Variants in EPHA6 observed in about 807,000 individuals in gnomAD.
The protein encoded by EPHA6 is ephrin type-A receptor 6.
Under a neutral mutation model 112.0 loss-of-function variants are expected in EPHA6, and 50 were observed. The observed-to-expected ratio is 0.45, with a 90% confidence interval of 0.36 to 0.56. The LOEUF (loss-of-function observed/expected upper bound fraction) is 0.56, where lower values mean the gene tolerates loss of function less well. EPHA6 is among the 20% of genes least tolerant of loss of function. EPHA6 has a pLI of 0.00. For synonymous variants in EPHA6, 529 were observed against 490.7 expected (o/e 1.08, Z -1.03); for missense variants, 1,280 against 1,417.4 (o/e 0.90, Z 1.56).
rs775463077 is a variant in EPHA6 at position 97,637,914 on chromosome 3, G to A, written c.2616G>A (p.Met872Ile). 6.2e-7 allele frequency: 1 copy of A among 1,613,952 alleles called. No homozygotes were observed. Among genetic ancestry groups the A allele is most frequent in the South Asian group, 1.1e-5 (1 of 91,080 alleles). ...TCACAGTCATCCAGTTGGTCGGAAT[G>A]CTCCGAGGCATTGCATCAGGCATGA... Reference protein sequence around the residue: ...GHFTVIQLVGMLRGIASGMKY... With the variant: ...GHFTVIQLVGILRGIASGMKY... The change falls in exon 14 of 18, where the codon ATG becomes ATA. Residue 872 changes from methionine to isoleucine, a missense_variant. By Grantham distance (10) the Met-to-Ile change is conservative. Coordinates refer to ENST00000389672, the MANE Select transcript of EPHA6 (RefSeq NM_001080448.3).
chr3:97,184,285 G>T lies in EPHA6; in HGVS notation c.1115-41979G>T, dbSNP rs560664950. ...AACTTTCCAATCAACAGTTTTCATG[G>T]TTCATGGTTTCATCTTCTAAGGGAT... is the stretch of plus-strand genomic sequence containing the variant. On this transcript the variant is annotated intron_variant, in intron 3 of 17. Coordinates refer to ENST00000389672, the MANE Select transcript of EPHA6 (RefSeq NM_001080448.3). Among the ~76,000 whole-genome samples the T allele has an allele frequency of 3.9e-5, 6 of 152,174 alleles. No individual in the cohort carries two copies. In the South Asian group the frequency reaches 1.2e-3, roughly 32 times the overall value.
At chr3:97,357,271 A>G (rs2084129874) in intron 5 of EPHA6, among the ~76,000 whole-genome samples, 1 of 152,000 alleles carries the variant, frequency 6.6e-6, no homozygotes, top group African/African-American at 2.4e-5. Flanking sequence ...CAGTGATGTG[A>G]TCTCGGCTCA....
chr3:97,600,619 C>CT (rs1461882593), intron 12 of EPHA6, among the ~76,000 whole-genome samples: 4 of 152,068 alleles, frequency 2.6e-5, no homozygotes, highest in African/African-American at 9.7e-5. Flanking sequence ...GCTCTACTCT[C>CT]TTCCCCAAGA....
At chr3:97,052,799 G>T (rs367766749) in intron 3 of EPHA6, among the ~76,000 whole-genome samples, 56 of 152,118 alleles carry the variant, frequency 3.7e-4, no homozygotes, top group African/African-American at 1.3e-3. Context: ...TAAACTCAGG[G>T]GACCAGCTAG....
At chr3:97,602,093 T>C (rs911228639) in intron 12 of EPHA6, among the ~76,000 whole-genome samples, 1 of 152,082 alleles carries the variant, frequency 6.6e-6, no homozygotes, top group Non-Finnish European at 1.5e-5. Context: ...CAAAAGCATA[T>C]AACATTGCTG....
chr3:97,652,092 TG>T (rs2094111212), intron 14 of EPHA6, among the ~76,000 whole-genome samples: 1 of 152,058 alleles, frequency 6.6e-6, no homozygotes, highest in South Asian at 2.1e-4. Flanking sequence ...ATAACATACC[TG>T]CTGACATTAA....
intron 2 of EPHA6, among the ~76,000 whole-genome samples, chr3:96,911,278 ATTCTAT>A (rs1466193504): frequency 2.5e-4 from 38 of 152,120 alleles, no homozygotes; most frequent in Admixed American, 1.8e-3. Flanking sequence ...CAGAAAGTTG[ATTCTAT>A]TTCTATTCAT....
At chr3:97,400,623 TA>T (rs2086938685) in intron 5 of EPHA6, among the ~76,000 whole-genome samples, 1 of 151,686 alleles carries the variant, frequency 6.6e-6, no homozygotes. Flanking sequence ...TAGTTTTTAT[TA>T]TAGAGATTTT....
At chr3:97,314,963 C>T (rs2081746834) in intron 5 of EPHA6, among the ~76,000 whole-genome samples, 1 of 151,566 alleles carries the variant, frequency 6.6e-6, no homozygotes, top group Non-Finnish European at 1.5e-5. Context: ...AGATACAAAG[C>T]ATTCTACAAC....
intron 10 of EPHA6, among the ~76,000 whole-genome samples, chr3:97,503,531 T>C (rs2092176951): frequency 6.6e-6 from 1 of 152,184 alleles, no homozygotes; most frequent in South Asian, 2.1e-4. Context: ...TTGAAGTCAC[T>C]TTGGAAAATA....
Position 97,353,788 on chromosome 3 carries a change from A to G in EPHA6, c.1607-51362A>G, listed in dbSNP as rs527774028. 3.3e-5 allele frequency among the ~76,000 whole-genome samples: 5 copies of G among 152,290 alleles called. No homozygotes were observed. The South Asian group carries it at 1.0e-3, about 32-fold the overall frequency. The stretch of plus-strand genomic sequence containing the variant: ...TGGACCTTGAGTGAGCATTAGTGTC[A>G]GCCAGGCAATGGCACCTGCAGACCT... On this transcript the variant is annotated intron_variant, in intron 5 of 17. Coordinates refer to ENST00000389672, the MANE Select transcript of EPHA6 (RefSeq NM_001080448.3).
chr3:96,999,509 C>T (rs1272913939), intron 3 of EPHA6, among the ~76,000 whole-genome samples: 1 of 145,902 alleles, frequency 6.9e-6, no homozygotes, highest in Non-Finnish European at 1.6e-5. Context: ...CATCTCCTAT[C>T]ACATACCAAC....
chr3:97,253,055 A>G (rs1016898505), intron 5 of EPHA6, among the ~76,000 whole-genome samples: 2 of 152,200 alleles, frequency 1.3e-5, no homozygotes, highest in African/African-American at 4.8e-5. Flanking sequence ...GGAGCAGCTA[A>G]CAGTCTTTTA....
chr3:96,863,940 A>G (rs1429267334), intron 1 of EPHA6, among the ~76,000 whole-genome samples: 1 of 152,074 alleles, frequency 6.6e-6, no homozygotes, highest in African/African-American at 2.4e-5. Flanking sequence ...GAAAATTAGA[A>G]TAAAACTTAT....
At chr3:97,634,684 C>T (rs923129145) in intron 13 of EPHA6, among the ~76,000 whole-genome samples, 1 of 152,022 alleles carries the variant, frequency 6.6e-6, no homozygotes, top group African/African-American at 2.4e-5. Flanking sequence ...AGCCTGAATC[C>T]AGTGATTGAG....
chr3:97,027,802 G>A (rs1400806423), intron 3 of EPHA6, among the ~76,000 whole-genome samples: 1 of 152,050 alleles, frequency 6.6e-6, no homozygotes, highest in Non-Finnish European at 1.5e-5. Flanking sequence ...TCCCTTTGTG[G>A]CCGTAACTAC....
rs2091062157 is a variant in EPHA6 at position 97,466,534 on chromosome 3, T to C, written c.1895-8818T>C. On this transcript the variant is annotated intron_variant, in intron 7 of 17. Coordinates refer to ENST00000389672, the MANE Select transcript of EPHA6 (RefSeq NM_001080448.3). The stretch of plus-strand genomic sequence containing the variant: ...TGAGGGTCGGGCCAAATCCAGGCTC[T>C]CCAATGATGTCTTCAGTGATGTCTC... 6 of 797,040 alleles carry C rather than the reference T, an allele frequency of 7.5e-6. No homozygotes were observed. In the Admixed American group the frequency reaches 1.1e-4, roughly 14 times the overall value. The allele number at this position is 797,040 out of a possible 1,614,324, so 49.4% of individuals were successfully genotyped here.
At chr3:97,687,494 A>T (rs753040962) in intron 14 of EPHA6, among the ~76,000 whole-genome samples, 11 of 152,182 alleles carry the variant, frequency 7.2e-5, no homozygotes, top group Admixed American at 4.6e-4. Flanking sequence ...GATGAAATAT[A>T]ATAAGCATAG....
intron 5 of EPHA6, among the ~76,000 whole-genome samples, chr3:97,304,236 T>G (rs1302335382): frequency 6.6e-6 from 1 of 151,926 alleles, no homozygotes; most frequent in Non-Finnish European, 1.5e-5. Flanking sequence ...ACCCTTTATC[T>G]CTTTATCTTG....
Sources: gnomAD v4.1 joint callset for allele counts (sites outside exome capture counted in the v4.1 genomes callset) on GRCh38, gnomAD v4.1.1 for gene constraint, MANE v1.5 for transcripts, NCBI Gene and HGNC (gene_info 2026-07-23, HGNC 2026-07-21) for gene names.